AIG1: variants seen among roughly 807,000 people sequenced by gnomAD.
AIG1 encodes androgen induced 1.
A neutral mutation model predicts 31.4 loss-of-function variants in AIG1; 23 were observed. The observed-to-expected ratio is 0.73, with a 90% CI of 0.53 to 1.04. The LOEUF (loss-of-function observed/expected upper bound fraction) is 1.04, where lower values mean the gene tolerates loss of function less well. AIG1 is among the 50% of genes least tolerant of loss of function. The probability of loss-of-function intolerance (pLI) is 0.00; values close to 1 mark genes in which losing one functional copy is unlikely to be tolerated. For missense variants in AIG1, 274 were observed against 295.0 expected (o/e 0.93, Z 0.52); for synonymous variants, 100 against 110.5 (o/e 0.90, Z 0.60).
chr6:143,197,989 T>C (rs1047405819), intron 3 of AIG1, among the ~76,000 whole-genome samples: 2 of 152,210 alleles, frequency 1.3e-5, no homozygotes, highest in African/African-American at 4.8e-5. Flanking sequence ...TTCCTATCAA[T>C]GTCCTGTGAT....
chr6:143,171,859 C>T (rs752517843), intron 3 of AIG1, among the ~76,000 whole-genome samples: 4 of 151,670 alleles, frequency 2.6e-5, no homozygotes, highest in African/African-American at 7.3e-5. Context: ...TTTGATTTTT[C>T]GATTATAGCC....
intron 3 of AIG1, among the ~76,000 whole-genome samples, chr6:143,218,779 TTTA>T (rs1374899279): frequency 2.6e-5 from 4 of 152,220 alleles, no homozygotes; most frequent in Non-Finnish European, 4.4e-5. Flanking sequence ...AATTGTGTCT[TTTA>T]TTATCTTCCT....
intron 3 of AIG1, among the ~76,000 whole-genome samples, chr6:143,261,190 G>A (rs1390363467): frequency 6.6e-6 from 1 of 152,094 alleles, no homozygotes; most frequent in Non-Finnish European, 1.5e-5. Flanking sequence ...GGAGTGCAGC[G>A]GCGCGATCTC....
intron 4 of AIG1, among the ~76,000 whole-genome samples, chr6:143,307,074 G>A (rs1375897765): frequency 1.3e-5 from 2 of 152,018 alleles, no homozygotes; most frequent in Admixed American, 6.6e-5. Flanking sequence ...GCACTTCTCT[G>A]TATTGGTTAT....
intron 3 of AIG1, among the ~76,000 whole-genome samples, chr6:143,181,720 A>G (rs1429007518): frequency 6.6e-6 from 1 of 152,178 alleles, no homozygotes; most frequent in Non-Finnish European, 1.5e-5. Context: ...TAGAAAGACA[A>G]GGAAAACTGG....
chr6:143,212,886 A>G (rs1343845421), intron 3 of AIG1, among the ~76,000 whole-genome samples: 1 of 152,216 alleles, frequency 6.6e-6, no homozygotes, highest in Non-Finnish European at 1.5e-5. Flanking sequence ...CTTCTAAGAC[A>G]GCAACATAAG....
chr6:143,062,110 A>G (rs1776311890), intron 1 of AIG1, among the ~76,000 whole-genome samples: 1 of 152,250 alleles, frequency 6.6e-6, no homozygotes, highest in African/African-American at 2.4e-5. Flanking sequence ...ATTCTGATGA[A>G]GAGAACATGA....
chr6:143,199,760 C>T lies in AIG1; in HGVS notation c.399+34577C>T, dbSNP rs1008338742. Reference sequence around the variant, plus strand: ...AAAAAGCAAGTAAGATAAGGCCCCTCTCAACAAGTTTAAAGTCGACTCAGG... The same window carrying T: ...AAAAAGCAAGTAAGATAAGGCCCCTTTCAACAAGTTTAAAGTCGACTCAGG... On this transcript the variant is annotated intron_variant, in intron 3 of 5. Coordinates refer to ENST00000357847, the MANE Select transcript of AIG1 (RefSeq NM_016108.4). Among the ~76,000 whole-genome samples, 3 of 152,282 alleles carry T rather than the reference C, an allele frequency of 2.0e-5. No individual in the cohort carries two copies. The East Asian group carries it at 5.8e-4, about 29-fold the overall frequency.
rs1797281120 is a variant in AIG1, at chr6:143,280,624, G to C, written c.400-3486G>C. ...TCCTTAGCAAACTAATGCAGGAACA[G>C]AAAACCAAACACCGCATGTTCTCAC... On this transcript the variant is annotated intron_variant, in intron 3 of 5. Coordinates refer to ENST00000357847, the MANE Select transcript of AIG1 (RefSeq NM_016108.4). This position sits in a 1 kb window ranked among gnomAD's most constrained non-coding sequence, Gnocchi z 4.1. Among the ~76,000 whole-genome samples the C allele has an allele frequency of 6.6e-6, 1 of 152,176 alleles. No individual in the cohort carries two copies. Among genetic ancestry groups the C allele is most frequent in the African/African-American group, 2.4e-5 (1 of 41,446 alleles).
chr6:143,173,766 G>T (rs760328570), intron 3 of AIG1, among the ~76,000 whole-genome samples: 16 of 152,140 alleles, frequency 1.1e-4, no homozygotes, highest in Non-Finnish European at 2.1e-4. Context: ...ATATAATTTA[G>T]ATTTTCTTAA....
chr6:143,076,016 G>A (rs1231998851), intron 1 of AIG1, among the ~76,000 whole-genome samples: 2 of 152,208 alleles, frequency 1.3e-5, no homozygotes, highest in Non-Finnish European at 1.5e-5. Flanking sequence ...TACATATTCA[G>A]TGTGCACTTG....
intron 3 of AIG1, among the ~76,000 whole-genome samples, chr6:143,171,507 ATATATAT>A (rs1330025143): frequency 7.1e-5 from 9 of 126,086 alleles, no homozygotes; most frequent in African/African-American, 2.7e-4. Flanking sequence ...TATATATTTA[ATATATAT>A]AATATATATA....
chr6:143,193,667 T>G (rs1789977886), intron 3 of AIG1, among the ~76,000 whole-genome samples: 1 of 152,264 alleles, frequency 6.6e-6, no homozygotes. Flanking sequence ...AAAATGTACT[T>G]ACTGCTTTCC....
chr6:143,171,456 AT>A (rs1308534265), intron 3 of AIG1, among the ~76,000 whole-genome samples: 7 of 54,496 alleles, frequency 1.3e-4, no homozygotes, highest in African/African-American at 1.1e-3. Context: ...TATATATTTA[AT>A]ATATATATTT....
chr6:143,106,292 T>C (rs1456018351), intron 1 of AIG1, among the ~76,000 whole-genome samples: 1 of 152,148 alleles, frequency 6.6e-6, no homozygotes, highest in Non-Finnish European at 1.5e-5. Flanking sequence ...AGAGAAAAGA[T>C]ATGGAACAGG....
intron 1 of AIG1, among the ~76,000 whole-genome samples, chr6:143,067,152 C>G (rs1029018383): frequency 3.3e-5 from 5 of 151,780 alleles, no homozygotes; most frequent in African/African-American, 1.2e-4. Flanking sequence ...AGTGACAGAG[C>G]CAAATCCTGT....
chr6:143,308,052 C>A (rs372446039), intron 4 of AIG1, among the ~76,000 whole-genome samples: 217 of 152,360 alleles, frequency 1.4e-3, no homozygotes, highest in African/African-American at 4.8e-3. Flanking sequence ...TTTTTAAGCC[C>A]ATCGGAGAAG....
chr6:143,302,854 G>C (rs543915658), intron 4 of AIG1, among the ~76,000 whole-genome samples: 5 of 152,320 alleles, frequency 3.3e-5, no homozygotes, highest in African/African-American at 1.2e-4. Context: ...GTGTAAAAGT[G>C]TGCCTATTTC....
intron 3 of AIG1, among the ~76,000 whole-genome samples, chr6:143,180,120 C>T (rs1788581524): frequency 6.6e-6 from 1 of 152,182 alleles, no homozygotes; most frequent in South Asian, 2.1e-4. Flanking sequence ...TCAGAATTTC[C>T]AAACTGTAAT....
Sources: allele counts gnomAD v4.1 joint callset (sites outside exome capture counted in the v4.1 genomes callset), GRCh38; gene constraint gnomAD v4.1.1; non-coding constraint Gnocchi (gnomAD v3.1); transcripts MANE v1.5; gene names NCBI Gene and HGNC (gene_info 2026-07-23, HGNC 2026-07-21).